The following LGSN variants were observed in gnomAD, a reference collection of about 807,000 sequenced individuals.
LGSN encodes lengsin, lens protein with glutamine synthetase domain, also known as lengsin.
LGSN carries 21 observed loss-of-function variants against 19.5 expected under a neutral mutation model. The ratio of observed to expected loss-of-function variants is 1.07; its 90% CI spans 0.76 to 1.55. The LOEUF is 1.55. LGSN is among the 40% of genes most tolerant of loss of function. The pLI is 0.00. For missense variants in LGSN, 673 were observed against 608.5 expected (o/e 1.11, Z -1.12); for synonymous variants, 257 against 215.6 (o/e 1.19, Z -1.68).
At chr6:63,376,077 T>A in the LGSN span, among the ~76,000 whole-genome samples, 2 of 152,176 alleles carry the variant, frequency 1.3e-5, no homozygotes, top group Non-Finnish European at 2.9e-5. Context: ...ACTGCTATGC[T>A]CTCTCCACGA....
the LGSN span, among the ~76,000 whole-genome samples, chr6:63,510,658 G>A: frequency 7.5e-6 from 1 of 133,136 alleles, no homozygotes; most frequent in East Asian, 2.1e-4. Context: ...TTCAAGAAGC[G>A]AATTTTTTTT....
the LGSN span, among the ~76,000 whole-genome samples, chr6:63,470,681 G>A: frequency 2.6e-5 from 4 of 151,886 alleles, no homozygotes; most frequent in African/African-American, 7.3e-5. Context: ...TTGAAATGGG[G>A]CTTGTTTGTT....
chr6:63,454,915 C>A, the LGSN span, among the ~76,000 whole-genome samples: 2 of 150,378 alleles, frequency 1.3e-5, no homozygotes, highest in African/African-American at 2.5e-5. Context: ...GCCTCAGCCT[C>A]CCAAGTAGCT....
chr6:63,538,636 G>A, the LGSN span, among the ~76,000 whole-genome samples: 7 of 152,056 alleles, frequency 4.6e-5, no homozygotes, highest in Non-Finnish European at 8.8e-5. Context: ...AGTTGAGATT[G>A]CAAAAGAGAT....
chr6:63,319,688 A>G (rs1213570244), intron 1 of LGSN, among the ~76,000 whole-genome samples: 3 of 152,208 alleles, frequency 2.0e-5, no homozygotes, highest in Non-Finnish European at 4.4e-5. Context: ...ATTCAAACCA[A>G]ATGAGCTTTC....
rs974831106 is a variant in LGSN, at chr6:63,318,422, C to T, written c.30+1492G>A. 3.3e-5 allele frequency among the ~76,000 whole-genome samples: 5 copies of T among 152,204 alleles called. No homozygotes were observed. In the South Asian group the frequency reaches 1.0e-3, roughly 32 times the overall value. On this transcript the variant is annotated intron_variant, in intron 1 of 3. Transcript: ENST00000370657. ...AGGAATGTCACATGTCATCTCTCTCCCTCCTTCCATATTCTTTCACTTCCT... is the reference window on the plus strand; with the variant it reads ...AGGAATGTCACATGTCATCTCTCTCTCTCCTTCCATATTCTTTCACTTCCT...
At chr6:63,400,518 G>A in the LGSN span, among the ~76,000 whole-genome samples, 43 of 152,258 alleles carry the variant, frequency 2.8e-4, no homozygotes, top group African/African-American at 8.4e-4. Context: ...GGCTCCGCAC[G>A]AACATATTCA....
At chr6:63,419,112 C>T in the LGSN span, among the ~76,000 whole-genome samples, 1 of 152,030 alleles carries the variant, frequency 6.6e-6, no homozygotes, top group Admixed American at 6.6e-5. Flanking sequence ...ATCTGGGATA[C>T]ATGAGACAAA....
At position 63,294,960 on chromosome 6, in the gene LGSN, T is replaced by C. The variant is rs866561423; in HGVS notation, c.116A>G (p.Tyr39Cys). The C allele has an allele frequency of 3.1e-6, 5 of 1,613,686 alleles. No individual in the cohort carries two copies. The highest frequency in any genetic ancestry group is 1.7e-5 in the Admixed American group (1 of 59,998). The change falls in exon 2 of 4, where the codon TAT becomes TGT. Residue 39 changes from tyrosine to cysteine, a missense_variant. Transcript: ENST00000370657. ...TTCTCCCACTTCAGTTGAACAAACATATGGTTTAGTGACTTTCTTCCTTGT... is the reference window on the plus strand; with the variant it reads ...TTCTCCCACTTCAGTTGAACAAACACATGGTTTAGTGACTTTCTTCCTTGT... ...RRTRKKVTKP[Y>C]VCSTEVGETD...
chr6:63,305,837 G>T (rs563112795), intron 1 of LGSN, among the ~76,000 whole-genome samples: 1 of 152,154 alleles, frequency 6.6e-6, no homozygotes, highest in African/African-American at 2.4e-5. Context: ...GAGGTGGGTG[G>T]ATCACTTGAG....
the LGSN span, among the ~76,000 whole-genome samples, chr6:63,325,531 T>C: frequency 6.6e-6 from 1 of 152,092 alleles, no homozygotes; most frequent in Non-Finnish European, 1.5e-5. Context: ...CCTACCAAGA[T>C]TGAATAAGGA....
At chr6:63,496,700 A>G in the LGSN span, among the ~76,000 whole-genome samples, 1 of 151,100 alleles carries the variant, frequency 6.6e-6, no homozygotes, top group African/African-American at 2.4e-5. Context: ...CCATCCTCCC[A>G]TCTCAGCCTC....
At chr6:63,515,506 T>C in the LGSN span, among the ~76,000 whole-genome samples, 144,903 of 152,306 alleles carry the variant, frequency 0.95, 69,029 homozygotes, top group East Asian at 1. Context: ...GCTGAGATTA[T>C]AGGCGTGAGC....
At chr6:63,541,043 AAGG>A in the LGSN span, among the ~76,000 whole-genome samples, 3 of 150,744 alleles carry the variant, frequency 2.0e-5, no homozygotes, top group Non-Finnish European at 4.4e-5. Context: ...GGAAGGAAGG[AAGG>A]AAGGAAGGAA....
At chr6:63,440,831 G>T in the LGSN span, 1 of 173,708 alleles carries the variant, frequency 5.8e-6, no homozygotes, top group South Asian at 1.4e-4. Flanking sequence ...AACAGGACCT[G>T]AGCCTCAGCA....
In LGSN at chr6:63,279,897, G is replaced by T; in HGVS notation, c.*124C>A. 6 of 916,720 alleles carry T rather than the reference G, an allele frequency of 6.5e-6. No homozygotes were observed. The highest frequency in any genetic ancestry group is 5.0e-6 in the Non-Finnish European group (3 of 603,480). 56.8% of individuals were successfully genotyped at this position (916,720 alleles called of 1,614,324 possible). ...AAATATTCCATGGACAAAAAAAAAA[G>T]TCAAAAGCATTCGTAATCTTGTTAT... is the stretch of plus-strand genomic sequence containing the variant. On this transcript the variant is annotated 3_prime_UTR_variant, in exon 4 of 4. Transcript: ENST00000370657.
At chr6:63,459,532 G>C in the LGSN span, among the ~76,000 whole-genome samples, 412 of 152,150 alleles carry the variant, frequency 2.7e-3, 1 homozygote, top group African/African-American at 9.5e-3. Flanking sequence ...TAGAATTAAA[G>C]GTGTGAGCCA....
the LGSN span, among the ~76,000 whole-genome samples, chr6:63,356,024 T>G: frequency 2.3e-4 from 34 of 150,444 alleles, no homozygotes; most frequent in African/African-American, 8.0e-4. Flanking sequence ...TGTTCACATA[T>G]TCTTCCTTCT....
the LGSN span, among the ~76,000 whole-genome samples, chr6:63,344,569 C>T: frequency 6.6e-6 from 1 of 151,886 alleles, no homozygotes; most frequent in Non-Finnish European, 1.5e-5. Context: ...ATACAAGGCC[C>T]ACAGAGAAAT....
Sources: allele counts gnomAD v4.1 joint callset (sites outside exome capture counted in the v4.1 genomes callset), GRCh38; gene constraint gnomAD v4.1.1; transcripts MANE v1.5; gene names NCBI Gene and HGNC (gene_info 2026-07-23, HGNC 2026-07-21).